TRIM2: variants seen among roughly 807,000 people sequenced by gnomAD.
TRIM2 encodes the protein tripartite motif-containing protein 2.
TRIM2 carries 20 observed loss-of-function variants against 75.2 expected under a neutral mutation model. The observed-to-expected ratio is 0.27, with a 90% CI of 0.19 to 0.39. The LOEUF is 0.39. TRIM2 is among the 10% of genes least tolerant of loss of function. The probability of loss-of-function intolerance (pLI) is 1.00; values close to 1 mark genes in which losing one functional copy is unlikely to be tolerated. For missense variants in TRIM2, 660 were observed against 990.8 expected, an observed-to-expected ratio of 0.67 and a Z score of 4.48; for synonymous variants, 373 against 388.3, an observed-to-expected ratio of 0.96 and a Z score of 0.46.
intron 1 of TRIM2, among the ~76,000 whole-genome samples, chr4:153,249,336 G>A (rs1004178355): frequency 2.6e-5 from 4 of 152,144 alleles, no homozygotes; most frequent in Non-Finnish European, 5.9e-5. Context: ...CCGGGCCCCG[G>A]CAGAGCCTGC....
At chr4:153,307,726 G>C in intron 6 of TRIM2, 1 of 603,864 alleles carries the variant, frequency 1.7e-6, no homozygotes, top group South Asian at 1.6e-5. Flanking sequence ...GAAGCATGGG[G>C]AGCACCATTT....
rs573567854 is a variant in TRIM2 at position 153,248,082 on chromosome 4, G to A, written c.31-22253G>A. ...ACAGTCTCTGCTCACTGGCGCGTCC[G>A]CCTCTGGGATTCAAGCGATTCTTGT... On this transcript the variant is annotated intron_variant, in intron 1 of 11. Transcript: ENST00000338700. The surrounding 1 kb of genome is among the most constrained non-coding windows in gnomAD (Gnocchi z 4.0). 1.0e-4 allele frequency among the ~76,000 whole-genome samples: 15 copies of A among 147,462 alleles called. No homozygotes were observed. Among genetic ancestry groups the A allele is most frequent in the African/African-American group, 2.8e-4 (11 of 39,532 alleles).
rs1319412713 is a variant in TRIM2, at chr4:153,338,285, A to G, written c.*3319A>G. The G allele has an allele frequency of 2.0e-6, 2 of 985,744 alleles. No homozygotes were observed. Among genetic ancestry groups the G allele is most frequent in the African/African-American group, 3.5e-5 (2 of 57,252 alleles). The allele number at this position is 985,744 out of a possible 1,614,324, so 61.1% of individuals were successfully genotyped here. A position where few individuals can be genotyped will look rare whatever the true frequency, so the allele number is the denominator to read the frequency against. On this transcript the variant is annotated 3_prime_UTR_variant, in exon 12 of 12. Transcript: ENST00000338700. ...TAATTGGAGGAAGTAGTAAATAAAC[A>G]TTAGGTAATCTGCAGATTACTTCAA...
At chr4:153,175,613 G>T (rs1408846184) in intron 1 of TRIM2, among the ~76,000 whole-genome samples, 1 of 152,122 alleles carries the variant, frequency 6.6e-6, no homozygotes, top group Non-Finnish European at 1.5e-5. Flanking sequence ...AGGTCAAAGT[G>T]GCAATAGGCT....
intron 1 of TRIM2, among the ~76,000 whole-genome samples, chr4:153,246,320 C>T (rs1271043158): frequency 6.6e-6 from 1 of 152,108 alleles, no homozygotes; most frequent in African/African-American, 2.4e-5. Context: ...GCCAAAATCA[C>T]ACTGTTGGGC....
In TRIM2 at chr4:153,323,720, C is replaced by G. The variant is rs1769499268; in HGVS notation, c.1952-358C>G. Among the ~76,000 whole-genome samples the G allele has an allele frequency of 3.9e-5, 6 of 152,120 alleles. No homozygotes were observed. In the South Asian group the frequency reaches 1.2e-3, roughly 32 times the overall value. On this transcript the variant is annotated intron_variant, in intron 9 of 11. Transcript: ENST00000338700. ...TTGCCACGTCTTTCCTTGGTGGGAG[C>G]TGAGGGCTCTAAAATGACTAACAGA...
At chr4:153,162,558 C>T (rs968639661) in intron 1 of TRIM2, among the ~76,000 whole-genome samples, 8 of 152,322 alleles carry the variant, frequency 5.3e-5, no homozygotes, top group Middle Eastern at 3.4e-3. Flanking sequence ...CTGATGAAAA[C>T]GCTAATCTCA....
intron 1 of TRIM2, among the ~76,000 whole-genome samples, chr4:153,191,939 C>T (rs1733232224): frequency 6.6e-6 from 1 of 152,192 alleles, no homozygotes; most frequent in Non-Finnish European, 1.5e-5. Context: ...CTTCATCAAA[C>T]CACGTAGTTG....
upstream of TRIM2, among the ~76,000 whole-genome samples, chr4:153,202,238 T>C (rs1353006589): frequency 6.6e-6 from 1 of 152,266 alleles, no homozygotes; most frequent in African/African-American, 2.4e-5. Context: ...TTTTGACAAC[T>C]ACTGTGTTCA....
At chr4:153,296,106 T>C in intron 6 of TRIM2, 70 bp downstream of exon 6, 1 of 1,488,628 alleles carries the variant, frequency 6.7e-7, no homozygotes, top group Non-Finnish European at 8.9e-7. Flanking sequence ...CACGTGTCAT[T>C]GCAAATAGCA....
chr4:153,180,727 C>T (rs1262250278), intron 1 of TRIM2, among the ~76,000 whole-genome samples: 2 of 152,234 alleles, frequency 1.3e-5, no homozygotes, highest in East Asian at 3.8e-4. Context: ...ATCTGCCCGC[C>T]TCAGCCTCCC....
In TRIM2 at chr4:153,317,027, C is replaced by G. The variant is rs142841282; in HGVS notation, c.1782+1028C>G. On this transcript the variant is annotated intron_variant, in intron 8 of 11. Coordinates refer to ENST00000338700, the MANE Select transcript of TRIM2 (RefSeq NM_015271.5). ...TCCTGAGTAGCTGGGACTACAGGTG[C>G]CCGCCACCACGCCCGGCTAACTTTT... Among the ~76,000 whole-genome samples the G allele has an allele frequency of 2.9e-3, 444 of 151,586 alleles. 1 individual carries two copies. The highest frequency in any genetic ancestry group is 9.6e-3 in the African/African-American group (397 of 41,324).
At chr4:153,287,094 T>G (rs1760814304) in intron 3 of TRIM2, among the ~76,000 whole-genome samples, 1 of 152,162 alleles carries the variant, frequency 6.6e-6, no homozygotes, top group Non-Finnish European at 1.5e-5. Flanking sequence ...TATTCCTGCC[T>G]CAGCCTCCTG....
Position 153,322,789 on chromosome 4 carries a change from C to T in TRIM2, c.1924C>T (p.Arg642Ter). 1 of 1,614,078 alleles carries T rather than the reference C, an allele frequency of 6.2e-7. No homozygotes were observed. Among genetic ancestry groups the T allele is most frequent in the Non-Finnish European group, 8.5e-7 (1 of 1,179,996 alleles). ...GAAAATAGTCACCAGGTTTGGTAGC[C>T]GAGGAAATGGGGACAGGCAGTTTGC... ...NGKIVTRFGSRGNGDRQFAGP... is the reference protein window; with the variant it reads ...NGKIVTRFGS The change falls in exon 9 of 12, where the codon CGA becomes TGA. Residue 642 changes from arginine (R) to a stop codon, truncating the protein, a stop_gained. Transcript: ENST00000338700. LOFTEE classifies it high-confidence loss of function.
At chr4:153,308,110 CG>C in intron 6 of TRIM2, 2 of 943,672 alleles carry the variant, frequency 2.1e-6, no homozygotes, top group South Asian at 2.6e-5. Flanking sequence ...ATGCTCCGCT[CG>C]GTCATGACGC....
intron 11 of TRIM2, among the ~76,000 whole-genome samples, chr4:153,332,715 AAG>A (rs1771761958): frequency 6.6e-6 from 1 of 152,174 alleles, no homozygotes; most frequent in African/African-American, 2.4e-5. Flanking sequence ...TATACATAAA[AAG>A]ATGTGCAATA....
At chr4:153,219,784 C>T (rs1228047904) in intron 1 of TRIM2, among the ~76,000 whole-genome samples, 1 of 152,130 alleles carries the variant, frequency 6.6e-6, no homozygotes, top group Non-Finnish European at 1.5e-5. Flanking sequence ...GGGAGGATGG[C>T]TTGAGCTTGG....
chr4:153,270,736 G>A lies in TRIM2; in HGVS notation c.215+217G>A, dbSNP rs6854589. On this transcript the variant is annotated intron_variant, in intron 2 of 11. Coordinates refer to ENST00000338700, the MANE Select transcript of TRIM2 (RefSeq NM_015271.5). ...AAAGCAATCCAGTAACTACTGATTCGTTTACACAAGAGATGGAGCATTAAA... is the reference window on the plus strand; with the variant it reads ...AAAGCAATCCAGTAACTACTGATTCATTTACACAAGAGATGGAGCATTAAA... Among the ~76,000 whole-genome samples the A allele has an allele frequency of 0.026, 3,898 of 152,208 alleles. 96 individuals carry two copies. Among genetic ancestry groups the A allele is most frequent in the African/African-American group, 0.067 (2,777 of 41,536 alleles).
chr4:153,201,654 C>T (rs773719238), upstream of TRIM2, among the ~76,000 whole-genome samples: 5 of 151,906 alleles, frequency 3.3e-5, no homozygotes, highest in Non-Finnish European at 7.4e-5. Flanking sequence ...ATGATCTGGC[C>T]ACTGCACTCC....
Sources: gnomAD v4.1 joint callset for allele counts (sites outside exome capture counted in the v4.1 genomes callset) on GRCh38, gnomAD v4.1.1 for gene constraint, Gnocchi (gnomAD v3.1) non-coding constraint, MANE v1.5 for transcripts, NCBI Gene and HGNC (gene_info 2026-07-23, HGNC 2026-07-21) for gene names.